PHACTR1: variants seen among roughly 807,000 people sequenced by gnomAD.
PHACTR1 encodes the protein phosphatase and actin regulator 1.
In PHACTR1, 16 loss-of-function variants were observed where a neutral mutation model predicts 69.2. The ratio of observed to expected loss-of-function variants is 0.23; its 90% CI spans 0.16 to 0.35. PHACTR1 has a LOEUF of 0.35. Ranked by LOEUF, PHACTR1 falls within the 10% of genes least tolerant of loss-of-function variation. The probability of loss-of-function intolerance (pLI) is 1.00; values close to 1 mark genes in which losing one functional copy is unlikely to be tolerated. For missense variants in PHACTR1, 510 were observed against 734.7 expected, an observed-to-expected ratio of 0.69 and a Z score of 3.54; for synonymous variants, 312 against 284.5, an observed-to-expected ratio of 1.10 and a Z score of -0.97.
Position 12,906,085 on chromosome 6 carries a change from T to C in PHACTR1, c.251-147280T>C, listed in dbSNP as rs76475657. 8.6e-3 allele frequency among the ~76,000 whole-genome samples: 1,307 copies of C among 152,340 alleles called. 22 individuals carry two copies. Among genetic ancestry groups the C allele is most frequent in the African/African-American group, 0.03 (1,227 of 41,578 alleles). On this transcript the variant is annotated intron_variant, in intron 4 of 14. Transcript: ENST00000332995. ...TGTCTGTCATTGTCTATATATGAGA[T>C]AGTCAGATTCATGGAAATGTCACTT...
chr6:12,743,734 T>C (rs1375769580), intron 3 of PHACTR1, among the ~76,000 whole-genome samples: 1 of 152,144 alleles, frequency 6.6e-6, no homozygotes, highest in Non-Finnish European at 1.5e-5. Flanking sequence ...ACTGTCAACA[T>C]TAGACAGATC....
At chr6:12,849,827 AC>A (rs1408019761) in intron 4 of PHACTR1, among the ~76,000 whole-genome samples, 3 of 152,076 alleles carry the variant, frequency 2.0e-5, no homozygotes, top group African/African-American at 7.2e-5. Context: ...CACAATTCAT[AC>A]CCCCAATAAT....
intron 5 of PHACTR1, among the ~76,000 whole-genome samples, chr6:13,075,597 GACA>G (rs1306017668): frequency 2.6e-5 from 4 of 152,164 alleles, no homozygotes; most frequent in Non-Finnish European, 5.9e-5. Flanking sequence ...TTCATCTGAA[GACA>G]ACGAGTCCAA....
At chr6:12,763,048 T>C (rs1768203799) in intron 4 of PHACTR1, among the ~76,000 whole-genome samples, 1 of 152,146 alleles carries the variant, frequency 6.6e-6, no homozygotes, top group African/African-American at 2.4e-5. Context: ...ACCCCGTCTC[T>C]ACTAAAAATA....
chr6:12,805,810 A>G (rs1350549572), intron 4 of PHACTR1, among the ~76,000 whole-genome samples: 4 of 152,090 alleles, frequency 2.6e-5, no homozygotes, highest in Non-Finnish European at 5.9e-5. Flanking sequence ...CACATTGGCC[A>G]AGATTGTCTC....
intron 6 of PHACTR1, among the ~76,000 whole-genome samples, chr6:13,165,733 G>A (rs186423186): frequency 6.6e-6 from 1 of 152,198 alleles, no homozygotes; most frequent in African/African-American, 2.4e-5. Flanking sequence ...TGACCGAGTG[G>A]CTCAAACAGG....
At chr6:12,740,453 T>C (rs1321075662) in intron 3 of PHACTR1, among the ~76,000 whole-genome samples, 1 of 152,218 alleles carries the variant, frequency 6.6e-6, no homozygotes, top group Non-Finnish European at 1.5e-5. Context: ...TATAGCCTCA[T>C]TGAGGCTATA....
At chr6:12,879,044 C>T (rs941614801) in intron 4 of PHACTR1, among the ~76,000 whole-genome samples, 10 of 152,150 alleles carry the variant, frequency 6.6e-5, no homozygotes, top group African/African-American at 2.4e-4. Context: ...TGTGATGGCT[C>T]ACAGTTTCAA....
chr6:13,274,086 T>A (rs1180956609), intron 11 of PHACTR1: 1 of 152,284 alleles, frequency 6.6e-6, no homozygotes, highest in Non-Finnish European at 1.5e-5. Flanking sequence ...GGGTTCCGCT[T>A]TGGTGGGGAG....
intron 3 of PHACTR1, among the ~76,000 whole-genome samples, chr6:12,726,199 T>C (rs1403211958): frequency 6.6e-6 from 1 of 152,184 alleles, no homozygotes; most frequent in Non-Finnish European, 1.5e-5. Flanking sequence ...AATCAATCTT[T>C]TAAAATAGAC....
intron 4 of PHACTR1, among the ~76,000 whole-genome samples, chr6:13,015,531 G>A (rs1429791891): frequency 6.6e-6 from 1 of 152,226 alleles, no homozygotes; most frequent in East Asian, 1.9e-4. Context: ...ACGCAACAGA[G>A]CTTGAGATGC....
chr6:13,150,538 AAT>A (rs1824147235), intron 5 of PHACTR1, among the ~76,000 whole-genome samples: 1 of 152,198 alleles, frequency 6.6e-6, no homozygotes, highest in Non-Finnish European at 1.5e-5. Flanking sequence ...CCTCTAGATT[AAT>A]ATGACTTTTT....
Position 13,221,620 on chromosome 6 carries a change from C to T in PHACTR1, c.987-6196C>T, listed in dbSNP as rs77816045. 5.5e-3 allele frequency among the ~76,000 whole-genome samples: 842 copies of T among 152,302 alleles called. 8 individuals carry two copies. The highest frequency in any genetic ancestry group is 0.019 in the African/African-American group (769 of 41,564). On this transcript the variant is annotated intron_variant, in intron 8 of 14. Coordinates refer to ENST00000332995, the MANE Select transcript of PHACTR1 (RefSeq NM_030948.6). ...TGCCTTTGCATTTTCCCATCTAAAA[C>T]GGGAAGATCACAATAGTACCTATCT... is the stretch of plus-strand genomic sequence containing the variant.
intron 14 of PHACTR1, 60 bp from the exon 15 acceptor site, chr6:13,287,003 C>T: frequency 7.6e-6 from 12 of 1,572,274 alleles, no homozygotes; most frequent in Middle Eastern, 1.7e-4. Context: ...GGAGATTGGA[C>T]TGTTGAATCC....
At chr6:12,949,284 A>AG (rs60054722) in intron 4 of PHACTR1, among the ~76,000 whole-genome samples, 9,364 of 146,374 alleles carry the variant, frequency 0.064, 741 homozygotes, top group African/African-American at 0.19. Flanking sequence ...AAAAAAAAAA[A>AG]AAAGAAAGAA....
chr6:13,069,278 G>C (rs1809145550), intron 5 of PHACTR1, among the ~76,000 whole-genome samples: 2 of 152,120 alleles, frequency 1.3e-5, no homozygotes, highest in Admixed American at 1.3e-4. Context: ...CACCTCTCTT[G>C]CACCTCTTCT....
intron 4 of PHACTR1, among the ~76,000 whole-genome samples, chr6:12,881,666 A>G (rs1241681451): frequency 1.3e-5 from 2 of 152,146 alleles, no homozygotes; most frequent in African/African-American, 2.4e-5. Context: ...CTGCAAGCAG[A>G]CAGGAGCTTG....
intron 5 of PHACTR1, among the ~76,000 whole-genome samples, chr6:13,139,086 A>G (rs542318139): frequency 6.7e-6 from 1 of 149,768 alleles, no homozygotes; most frequent in African/African-American, 2.5e-5. Flanking sequence ...GAGAAATCAT[A>G]TCAAGAGGGT....
chr6:13,275,994 C>G lies in PHACTR1; in HGVS notation c.1448-2274C>G, dbSNP rs1778809316. 1 of 152,076 alleles carries G rather than the reference C, an allele frequency of 6.6e-6. No individual in the cohort carries two copies. The allele number at this position is 152,076 out of a possible 1,614,324, so 9.4% of individuals were successfully genotyped here. A position where few individuals can be genotyped will look rare whatever the true frequency, so the allele number is the denominator to read the frequency against. On this transcript the variant is annotated intron_variant, in intron 11 of 14. Transcript: ENST00000332995. This position sits in a 1 kb window ranked among gnomAD's most constrained non-coding sequence, Gnocchi z 4.0. ...CTGAAATTTGCATTTGTACAAATGTCACTGTCTGGGGGCTCCCTACTTCCG... is the reference window on the plus strand; with the variant it reads ...CTGAAATTTGCATTTGTACAAATGTGACTGTCTGGGGGCTCCCTACTTCCG...
Sources: allele counts gnomAD v4.1 joint callset (sites outside exome capture counted in the v4.1 genomes callset), GRCh38; gene constraint gnomAD v4.1.1; non-coding constraint Gnocchi (gnomAD v3.1); transcripts MANE v1.5; gene names NCBI Gene and HGNC (gene_info 2026-07-23, HGNC 2026-07-21).